The following GRIK1 variants were observed in gnomAD, a reference collection of about 807,000 sequenced individuals.
GRIK1 encodes glutamate ionotropic receptor kainate type subunit 1.
In GRIK1, 69 loss-of-function variants were observed where a neutral mutation model predicts 105.7. The observed-to-expected ratio is 0.65, with a 90% CI of 0.54 to 0.80. GRIK1 has a LOEUF of 0.80. GRIK1 is among the 30% of genes least tolerant of loss of function. GRIK1 has a pLI of 0.00. For synonymous variants in GRIK1, 438 were observed against 431.3 expected (o/e 1.02, Z -0.19); for missense variants, 1,109 against 1,167.3 (o/e 0.95, Z 0.73).
At chr21:29,857,349 C>T (rs1162972857) in intron 1 of GRIK1, among the ~76,000 whole-genome samples, 2 of 152,210 alleles carry the variant, frequency 1.3e-5, no homozygotes, top group Non-Finnish European at 2.9e-5. Flanking sequence ...CACTGCCTTC[C>T]AAGCCTGGCA....
At chr21:29,887,399 A>T (rs866388140) in intron 1 of GRIK1, among the ~76,000 whole-genome samples, 1 of 152,188 alleles carries the variant, frequency 6.6e-6, no homozygotes, top group Non-Finnish European at 1.5e-5. Context: ...TTTAGAGGAA[A>T]CATTGAGCTC....
intron 1 of GRIK1, among the ~76,000 whole-genome samples, chr21:29,895,395 G>C (rs189830055): frequency 1.1e-3 from 161 of 152,260 alleles, no homozygotes; most frequent in Non-Finnish European, 1.8e-3. Context: ...ACAGTTCATT[G>C]CACTTTCCCC....
At chr21:29,577,636 C>T (rs1346411281) in intron 13 of GRIK1, among the ~76,000 whole-genome samples, 3 of 152,108 alleles carry the variant, frequency 2.0e-5, no homozygotes, top group African/African-American at 7.2e-5. Context: ...ATTAACATGC[C>T]ATTTATCACA....
intron 1 of GRIK1, among the ~76,000 whole-genome samples, chr21:29,808,121 C>A (rs1569115760): frequency 6.6e-6 from 1 of 152,102 alleles, no homozygotes; most frequent in South Asian, 2.1e-4. Context: ...GCCCAGATTA[C>A]CATTTTCATA....
intron 1 of GRIK1, among the ~76,000 whole-genome samples, chr21:29,777,095 AATT>A (rs1425725027): frequency 4.6e-5 from 7 of 152,192 alleles, no homozygotes; most frequent in Non-Finnish European, 8.8e-5. Context: ...ACAAGAATCC[AATT>A]CTCAGGCCCC....
intron 4 of GRIK1, among the ~76,000 whole-genome samples, chr21:29,670,064 T>C (rs1214530618): frequency 1.3e-5 from 2 of 152,188 alleles, no homozygotes; most frequent in Non-Finnish European, 2.9e-5. Flanking sequence ...GAGTCCTCTG[T>C]AGTTATTCCA....
At chr21:29,619,646 A>G (rs1368915022) in intron 7 of GRIK1, among the ~76,000 whole-genome samples, 1 of 152,210 alleles carries the variant, frequency 6.6e-6, no homozygotes, top group Non-Finnish European at 1.5e-5. Context: ...AAAATTGAAA[A>G]GTAAAATAAA....
In GRIK1 at chr21:29,712,144, C is replaced by A. The variant is rs1452006630; in HGVS notation, c.119-18081G>T. ...CACACATATATATAGGTCCTGGAAT[C>A]ATACTGCATATAAAATGTTGTATTT... On this transcript the variant is annotated intron_variant, in intron 1 of 17. Coordinates refer to ENST00000327783, the MANE Select transcript of GRIK1 (RefSeq NM_001330994.2). 6.9e-5 allele frequency among the ~76,000 whole-genome samples: 10 copies of A among 144,804 alleles called. No individual in the cohort carries two copies. In the Admixed American group the frequency reaches 6.9e-4, roughly 10 times the overall value. The allele number at this position is 144,804 out of a possible 152,430, so 95.0% of individuals were successfully genotyped here.
At chr21:29,793,952 C>G (rs1053749929) in intron 1 of GRIK1, among the ~76,000 whole-genome samples, 8 of 152,148 alleles carry the variant, frequency 5.3e-5, no homozygotes, top group African/African-American at 1.9e-4. Flanking sequence ...CAGCATGGCT[C>G]TGTCCAAATT....
chr21:29,887,238 T>C (rs556205703), intron 1 of GRIK1, among the ~76,000 whole-genome samples: 1 of 152,296 alleles, frequency 6.6e-6, no homozygotes, highest in Admixed American at 6.5e-5. Flanking sequence ...TTTTGTTGCA[T>C]CCCAAAAATT....
chr21:29,719,804 A>AC (rs1318051472), intron 1 of GRIK1, among the ~76,000 whole-genome samples: 4 of 152,192 alleles, frequency 2.6e-5, no homozygotes, highest in Non-Finnish European at 5.9e-5. Flanking sequence ...TTCCCAAAGG[A>AC]CCAGTTGGCA....
At chr21:29,610,324 G>T (rs1601257830) in intron 7 of GRIK1, among the ~76,000 whole-genome samples, 1 of 152,124 alleles carries the variant, frequency 6.6e-6, no homozygotes, top group Non-Finnish European at 1.5e-5. Flanking sequence ...AAGCTACACA[G>T]ATGGGATCAA....
At chr21:29,811,081 G>C (rs548891345) in intron 1 of GRIK1, among the ~76,000 whole-genome samples, 3 of 152,084 alleles carry the variant, frequency 2.0e-5, no homozygotes, top group African/African-American at 7.2e-5. Context: ...ATAATCTGGT[G>C]GTGCTCGCTG....
intron 1 of GRIK1, among the ~76,000 whole-genome samples, chr21:29,906,882 T>G (rs1272246803): frequency 2.0e-5 from 3 of 152,106 alleles, no homozygotes; most frequent in African/African-American, 4.8e-5. Flanking sequence ...GGGTTAAACT[T>G]TGATTGCAAC....
At chr21:29,625,961 A>G (rs1053647589) in intron 7 of GRIK1, among the ~76,000 whole-genome samples, 1 of 152,136 alleles carries the variant, frequency 6.6e-6, no homozygotes, top group African/African-American at 2.4e-5. Flanking sequence ...AACCCCCAGC[A>G]GCTTAGAATG....
At chr21:29,705,249 A>G (rs1182757804) in intron 1 of GRIK1, among the ~76,000 whole-genome samples, 1 of 152,260 alleles carries the variant, frequency 6.6e-6, no homozygotes, top group Non-Finnish European at 1.5e-5. Context: ...ACAGAGCAGT[A>G]TATACCGATG....
chr21:29,939,099 T>C (rs928658843), intron 1 of GRIK1, among the ~76,000 whole-genome samples: 1 of 151,872 alleles, frequency 6.6e-6, no homozygotes, highest in African/African-American at 2.4e-5. Context: ...AGAGTAGGGG[T>C]GCCGGTCCCT....
At chr21:29,936,529 C>G (rs796341810) in intron 1 of GRIK1, among the ~76,000 whole-genome samples, 27 of 152,300 alleles carry the variant, frequency 1.8e-4, no homozygotes, top group African/African-American at 6.3e-4. Flanking sequence ...GGAATGACTC[C>G]AGCAGCTCCA....
At chr21:29,695,463 T>C (rs1385214921) in intron 1 of GRIK1, among the ~76,000 whole-genome samples, 5 of 146,282 alleles carry the variant, frequency 3.4e-5, no homozygotes, top group Admixed American at 2.8e-4. Context: ...TATCTATCTA[T>C]CTATCTATCT....
Sources: gnomAD v4.1 joint callset for allele counts (sites outside exome capture counted in the v4.1 genomes callset) on GRCh38, gnomAD v4.1.1 for gene constraint, MANE v1.5 for transcripts, NCBI Gene and HGNC (gene_info 2026-07-23, HGNC 2026-07-21) for gene names.